Variants in AIFM3 observed in about 807,000 individuals in gnomAD.
AIFM3 encodes apoptosis-inducing factor 3.
In AIFM3, 71 loss-of-function variants were observed where a neutral mutation model predicts 82.7. The observed-to-expected ratio is 0.86, with a 90% confidence interval of 0.71 to 1.05. The LOEUF (loss-of-function observed/expected upper bound fraction) is 1.05, where lower values mean the gene tolerates loss of function less well. Ranked by LOEUF, AIFM3 falls within the 50% of genes least tolerant of loss-of-function variation. The pLI, the probability that AIFM3 is intolerant of heterozygous loss-of-function variation, is 0.00. For missense variants in AIFM3, 748 were observed against 816.7 expected (o/e 0.92, Z 1.03); for synonymous variants, 337 against 329.1 (o/e 1.02, Z -0.26).
Position 20,976,675 on chromosome 22 carries a change from C to T in AIFM3, c.1055C>T (p.Thr352Met), listed in dbSNP as rs145487001. Residue 352 changes from threonine to methionine, a missense_variant, in exon 12 of 21, where the codon ACG (threonine) becomes ATG (methionine). Thr to Met is a moderately conservative substitution (Grantham distance 81, BLOSUM62 -1). Transcript: ENST00000440238. Reference sequence around the variant, plus strand: ...GGGATGGAGGTGGCCGCTTACCTGACGGAGAAGGCCCACTCTGTGTCTGTG... The same window carrying T: ...GGGATGGAGGTGGCCGCTTACCTGATGGAGAAGGCCCACTCTGTGTCTGTG... ...FLGMEVAAYL[T>M]EKAHSVSVVE... 15 of 1,609,466 alleles carry T rather than the reference C, an allele frequency of 9.3e-6. No homozygotes were observed. Among genetic ancestry groups the T allele is most frequent in the African/African-American group, 4.0e-5 (3 of 74,794 alleles).
At chr22:20,978,784 T>C (rs1466856934) in intron 16 of AIFM3, among the ~76,000 whole-genome samples, 1 of 152,046 alleles carries the variant, frequency 6.6e-6, no homozygotes, top group Admixed American at 6.6e-5. Context: ...AGGATTTAAC[T>C]GAGAGAGTTT....
Position 20,974,166 on chromosome 22 carries a change from G to A in AIFM3, c.459G>A (p.Lys153=), listed in dbSNP as rs1407425152. The part of the protein sequence containing the change: ...EDFPGLDSLH[K]FQVKIEKEKV... The stretch of plus-strand genomic sequence containing the variant: ...TCCCTGGCCTGGACAGTCTACACAA[G>A]TTCCAGGTGGGGCCAGGAGTGCGAT... The change falls in exon 5 of 21, where the codon AAG becomes AAA. Residue 153 remains lysine, a synonymous_variant. Coordinates refer to ENST00000440238, the MANE Select transcript of AIFM3 (RefSeq NM_001386814.1). 6.2e-7 allele frequency: 1 copy of A among 1,613,398 alleles called. No individual in the cohort carries two copies. The highest frequency in any genetic ancestry group is 8.5e-7 in the Non-Finnish European group (1 of 1,179,872).
chr22:20,965,761 GC>G (rs1256588115), upstream of AIFM3, among the ~76,000 whole-genome samples: 1 of 152,088 alleles, frequency 6.6e-6, no homozygotes, highest in East Asian at 1.9e-4. Context: ...ACCCTGCCCA[GC>G]CTGCACCCTG....
chr22:20,980,331 G>A, intron 19 of AIFM3: 1 of 607,558 alleles, frequency 1.6e-6, no homozygotes, highest in Admixed American at 2.9e-5. Flanking sequence ...GTGGATGGAA[G>A]GGATAGAGAT....
intron 19 of AIFM3, 148 bp from the exon 20 acceptor site, chr22:20,980,599 G>T (rs1924037977): frequency 2.1e-6 from 2 of 939,834 alleles, no homozygotes; most frequent in East Asian, 4.8e-5. Flanking sequence ...GAGCTCCCAG[G>T]GACTGGGGAC....
At chr22:20,980,177 G>A in intron 19 of AIFM3, 53 bp downstream of exon 19, 2 of 1,548,920 alleles carry the variant, frequency 1.3e-6, no homozygotes, top group South Asian at 2.3e-5. Context: ...TGGAGTACTG[G>A]CTAAGGTGCC....
chr22:20,972,290 T>C lies in AIFM3; in HGVS notation c.32-1017T>C, dbSNP rs181306814. Among the ~76,000 whole-genome samples the C allele has an allele frequency of 5.1e-4, 77 of 151,708 alleles. No individual in the cohort carries two copies. The East Asian group carries it at 8.0e-3, about 16-fold the overall frequency. On this transcript the variant is annotated intron_variant, in intron 2 of 20. Transcript: ENST00000440238. ...GGTGGCACACGCCTGTAATCCCAGCTGCTCAAGAGGTTGAGGCAGGAGAAT... is the reference window on the plus strand; with the variant it reads ...GGTGGCACACGCCTGTAATCCCAGCCGCTCAAGAGGTTGAGGCAGGAGAAT...
At chr22:20,978,036 T>C (rs1164706749) in intron 16 of AIFM3, 31 bp downstream of exon 16, 1 of 1,604,468 alleles carries the variant, frequency 6.2e-7, no homozygotes. Flanking sequence ...CATGGAGGGG[T>C]GGGAGGGAGT....
At chr22:20,969,250 C>T (rs1289313659) in intron 2 of AIFM3, among the ~76,000 whole-genome samples, 2 of 152,218 alleles carry the variant, frequency 1.3e-5, no homozygotes, top group Non-Finnish European at 2.9e-5. Flanking sequence ...CCCAGGACTT[C>T]CAGTGTCGGG....
At chr22:20,977,322 C>T in intron 14 of AIFM3, 1 of 625,610 alleles carries the variant, frequency 1.6e-6, no homozygotes. Flanking sequence ...TGCCCAGTAA[C>T]ACTCATCTCC....
chr22:20,979,655 C>A lies in AIFM3; in HGVS notation c.1605C>A (p.Ile535=), dbSNP rs1923955026. ...ACGGAGAAGGCTTCGACGACGTCAT[C>A]ATCCAGGGGGATCTGGAGGAGCTGA... is the stretch of plus-strand genomic sequence containing the variant. ...AGYGEGFDDV[I]IQGDLEELKF... The change falls in exon 18 of 21, where the codon ATC becomes ATA. Residue 535 remains isoleucine (I), a synonymous_variant. Transcript: ENST00000440238. 9 of 1,614,244 alleles carry A rather than the reference C, an allele frequency of 5.6e-6. No homozygotes were observed. The East Asian group carries it at 1.8e-4, about 32-fold the overall frequency.
chr22:20,967,616 G>C (rs1922979565), intron 1 of AIFM3, 189 bp from the exon 2 acceptor site: 1 of 419,014 alleles, frequency 2.4e-6, no homozygotes, highest in Non-Finnish European at 4.3e-6. Context: ...GGAGGAGTGA[G>C]GGAGCTGAGC....
intron 2 of AIFM3, among the ~76,000 whole-genome samples, chr22:20,968,492 G>A (rs1392411173): frequency 6.6e-6 from 1 of 151,136 alleles, no homozygotes; most frequent in Non-Finnish European, 1.5e-5. Context: ...GTGTGGTCTC[G>A]GGCTGCCTTC....
At position 20,981,107 on chromosome 22, in the gene AIFM3, C is replaced by T; in HGVS notation, c.*76C>T. The T allele has an allele frequency of 6.3e-7, 1 of 1,591,260 alleles. No homozygotes were observed. Among genetic ancestry groups the T allele is most frequent in the Non-Finnish European group, 8.6e-7 (1 of 1,165,246 alleles). ...CCAAGCCTTGGGGGCAGGTGCCAATCTCCAGTCCCAGGATCCCCCAGGGCA... is the reference window on the plus strand; with the variant it reads ...CCAAGCCTTGGGGGCAGGTGCCAATTTCCAGTCCCAGGATCCCCCAGGGCA... On this transcript the variant is annotated 3_prime_UTR_variant, in exon 21 of 21. Coordinates refer to ENST00000440238, the MANE Select transcript of AIFM3 (RefSeq NM_001386814.1).
In AIFM3 at chr22:20,975,563, C is replaced by T. The variant is rs570361378; in HGVS notation, c.721-129C>T. On this transcript the variant is annotated intron_variant, in intron 8 of 20. Coordinates refer to ENST00000440238, the MANE Select transcript of AIFM3 (RefSeq NM_001386814.1). ...GGGATCACAGGCATGAGTCACTGCG[C>T]CTGGCCAGATCTGGGTTTGCTGAGT... 1.3e-5 allele frequency: 11 copies of T among 827,316 alleles called. No individual in the cohort carries two copies. In the South Asian group the frequency reaches 1.5e-4, roughly 11 times the overall value. The allele number at this position is 827,316 out of a possible 1,614,324, so 51.2% of individuals were successfully genotyped here. A position where few individuals can be genotyped will look rare whatever the true frequency, so the allele number is the denominator to read the frequency against.
chr22:20,978,775 G>C (rs16988949), intron 16 of AIFM3, among the ~76,000 whole-genome samples: 2,050 of 152,116 alleles, frequency 0.013, 38 homozygotes, highest in African/African-American at 0.047. Context: ...AGTATAATTA[G>C]GATTTAACTG....
intron 4 of AIFM3, 84 bp from the exon 5 acceptor site, chr22:20,973,979 G>T (rs1923450057): frequency 1.3e-6 from 2 of 1,499,044 alleles, no homozygotes; most frequent in Non-Finnish European, 1.8e-6. Context: ...GGGCTGTGGG[G>T]AGGGGCCCGC....
At chr22:20,979,207 GGAGCA>G in intron 16 of AIFM3, 59 bp from the exon 17 acceptor site, 1 of 1,517,012 alleles carries the variant, frequency 6.6e-7, no homozygotes, top group Non-Finnish European at 9.0e-7. Context: ...CAGGGCATCA[GGAGCA>G]GGTAGTGTGG....
In AIFM3 at chr22:20,973,994, G is replaced by T. The variant is rs1402442462; in HGVS notation, c.356-69G>T. The T allele has an allele frequency of 8.6e-6, 13 of 1,517,530 alleles. No homozygotes were observed. In the East Asian group the frequency reaches 3.1e-4, roughly 37 times the overall value. 94.0% of individuals were successfully genotyped at this position (1,517,530 alleles called of 1,614,324 possible). On this transcript the variant is annotated intron_variant, in intron 4 of 20. Transcript: ENST00000440238. ...GGGCTGTGGGGAGGGGCCCGCAGTTGCCGGGGCACTGAGATCCTTGGGAAG... is the reference window on the plus strand; with the variant it reads ...GGGCTGTGGGGAGGGGCCCGCAGTTTCCGGGGCACTGAGATCCTTGGGAAG...
Sources: gnomAD v4.1 joint callset for allele counts (sites outside exome capture counted in the v4.1 genomes callset) on GRCh38, gnomAD v4.1.1 for gene constraint, MANE v1.5 for transcripts, NCBI Gene and HGNC (gene_info 2026-07-23, HGNC 2026-07-21) for gene names.